The following SLC7A2 variants were observed in gnomAD, a reference collection of about 807,000 sequenced individuals.
The protein encoded by SLC7A2 is solute carrier family 7 member 2.
In SLC7A2, 48 loss-of-function variants were observed where a neutral mutation model predicts 58.9. That is an observed-to-expected ratio of 0.82 (90% CI 0.65 to 1.04). The LOEUF (loss-of-function observed/expected upper bound fraction) is 1.04, where lower values mean the gene tolerates loss of function less well. SLC7A2 is among the 50% of genes least tolerant of loss of function. The probability of loss-of-function intolerance (pLI) is 0.00; values close to 1 mark genes in which losing one functional copy is unlikely to be tolerated. For synonymous variants in SLC7A2, 363 were observed against 314.5 expected (o/e 1.15, Z -1.63); for missense variants, 1,029 against 818.8 (o/e 1.26, Z -3.13).
At position 17,519,014 on chromosome 8, in the gene SLC7A2, C is replaced by G. The variant is rs190510250; in HGVS notation, c.-23+16712C>G. Among the ~76,000 whole-genome samples, 16 of 152,186 alleles carry G rather than the reference C, an allele frequency of 1.1e-4. No individual in the cohort carries two copies. The East Asian group carries it at 2.9e-3, about 28-fold the overall frequency. Reference sequence around the variant, plus strand: ...TCCTCTTTTTATAAGGACACTAATTCCATCATGGGTGCCCCACCCACATGA... The same window carrying G: ...TCCTCTTTTTATAAGGACACTAATTGCATCATGGGTGCCCCACCCACATGA... On this transcript the variant is annotated intron_variant, in intron 2 of 12. Coordinates refer to ENST00000494857, the MANE Select transcript of SLC7A2 (RefSeq NM_001370338.1).
At chr8:17,548,579 G>T in intron 4 of SLC7A2, 99 bp from the exon 5 acceptor site, 1 of 815,582 alleles carries the variant, frequency 1.2e-6, no homozygotes. Flanking sequence ...TTAAAGACAT[G>T]AATGCTGGTG....
At chr8:17,523,557 C>T (rs1801101639) in intron 2 of SLC7A2, among the ~76,000 whole-genome samples, 1 of 152,122 alleles carries the variant, frequency 6.6e-6, no homozygotes, top group Admixed American at 6.5e-5. Context: ...ATTGGCTAGC[C>T]ACATGTAGAA....
At chr8:17,515,783 G>A (rs1800781774) in intron 2 of SLC7A2, among the ~76,000 whole-genome samples, 1 of 152,172 alleles carries the variant, frequency 6.6e-6, no homozygotes, top group South Asian at 2.1e-4. Flanking sequence ...TGAGTTGGCA[G>A]ATAACCTTGT....
At chr8:17,517,651 T>C (rs1222241510) in intron 2 of SLC7A2, among the ~76,000 whole-genome samples, 2 of 152,054 alleles carry the variant, frequency 1.3e-5, no homozygotes, top group Non-Finnish European at 2.9e-5. Flanking sequence ...TTTTCCCGTA[T>C]TGCTTACCTT....
chr8:17,562,586 G>A (rs1421781400), intron 11 of SLC7A2, among the ~76,000 whole-genome samples: 2 of 152,074 alleles, frequency 1.3e-5, no homozygotes, highest in African/African-American at 4.8e-5. Flanking sequence ...TGATCCACCT[G>A]CCTCAACAAC....
chr8:17,545,189 A>T (rs1419243916), intron 4 of SLC7A2, among the ~76,000 whole-genome samples: 1 of 152,078 alleles, frequency 6.6e-6, no homozygotes, highest in Non-Finnish European at 1.5e-5. Flanking sequence ...ACCACATTTC[A>T]ATCCTGCTGT....
chr8:17,552,458 T>C (rs918777732), intron 7 of SLC7A2, among the ~76,000 whole-genome samples: 1 of 152,250 alleles, frequency 6.6e-6, no homozygotes, highest in Non-Finnish European at 1.5e-5. Context: ...TTATGCTCTG[T>C]CTTTTAAAAA....
At position 17,544,587 on chromosome 8, in the gene SLC7A2, C is replaced by T. The variant is rs1802077176; in HGVS notation, c.513C>T (p.Cys171=). The change falls in exon 4 of 13, where the codon TGC becomes TGT. Residue 171 remains cysteine (C), a synonymous_variant. Coordinates refer to ENST00000494857, the MANE Select transcript of SLC7A2 (RefSeq NM_001370338.1). Reference sequence around the variant, plus strand: ...AATATCCCGATTTTTTTGCTGTGTGCCTTATATTACTTCTAGCAGGTAAGA... The same window carrying T: ...AATATCCCGATTTTTTTGCTGTGTGTCTTATATTACTTCTAGCAGGTAAGA... ...LAEYPDFFAV[C]LILLLAGLLS... The T allele has an allele frequency of 1.2e-6, 2 of 1,613,474 alleles. No individual in the cohort carries two copies. Among genetic ancestry groups the T allele is most frequent in the Non-Finnish European group, 1.7e-6 (2 of 1,179,786 alleles).
intron 4 of SLC7A2, among the ~76,000 whole-genome samples, chr8:17,544,955 G>A (rs1328438571): frequency 2.0e-5 from 3 of 152,170 alleles, no homozygotes; most frequent in Admixed American, 6.5e-5. Context: ...ATTTCATCTT[G>A]CTAGATACAA....
At chr8:17,504,367 C>T (rs1800283488) in intron 2 of SLC7A2, among the ~76,000 whole-genome samples, 1 of 152,114 alleles carries the variant, frequency 6.6e-6, no homozygotes, top group Admixed American at 6.5e-5. Context: ...AAACCCTTAC[C>T]TTTCAATTAG....
chr8:17,552,229 T>C (rs1802488987), intron 7 of SLC7A2, among the ~76,000 whole-genome samples: 1 of 151,968 alleles, frequency 6.6e-6, no homozygotes, highest in African/African-American at 2.4e-5. Flanking sequence ...GAAATACATA[T>C]GGCATTGATA....
chr8:17,494,593 C>T (rs1164620186), upstream of SLC7A2, among the ~76,000 whole-genome samples: 4 of 152,150 alleles, frequency 2.6e-5, no homozygotes, highest in South Asian at 6.2e-4. Context: ...AAGAGCTTAA[C>T]CTGTTTCAAA....
chr8:17,562,055 C>T lies in SLC7A2; in HGVS notation c.1616C>T (p.Ala539Val). 1 of 1,613,982 alleles carries T rather than the reference C, an allele frequency of 6.2e-7. No homozygotes were observed. Among genetic ancestry groups the T allele is most frequent in the Non-Finnish European group, 8.5e-7 (1 of 1,179,976 alleles). The change falls in exon 11 of 13, where the codon GCC becomes GTC. Residue 539 changes from alanine (A) to valine (V), a missense_variant. Transcript: ENST00000494857. ...LLALFLVLFV[A>V]IVLTIWRQPQ... ...GCGCTGTTTCTTGTTCTCTTCGTTG[C>T]CATCGTTCTCACCATCTGGAGGCAG...
At chr8:17,532,520 G>A (rs1801502587) in intron 2 of SLC7A2, among the ~76,000 whole-genome samples, 6 of 151,868 alleles carry the variant, frequency 4.0e-5, no homozygotes, top group Admixed American at 3.9e-4. Flanking sequence ...TTATTTTTTT[G>A]CTTTTTTTGA....
chr8:17,534,831 C>A (rs1801597288), intron 2 of SLC7A2, among the ~76,000 whole-genome samples: 1 of 151,754 alleles, frequency 6.6e-6, no homozygotes, highest in African/African-American at 2.4e-5. Flanking sequence ...AATGTTTTAA[C>A]TTTGGAGTGA....
chr8:17,543,155 T>G (rs995540389), intron 2 of SLC7A2, among the ~76,000 whole-genome samples, 163 bp from the exon 3 acceptor site: 1 of 151,772 alleles, frequency 6.6e-6, no homozygotes, highest in Admixed American at 6.6e-5. Flanking sequence ...TCCTTCTGAC[T>G]GCTCTGGGTC....
At chr8:17,535,084 T>C (rs1313481803) in intron 2 of SLC7A2, among the ~76,000 whole-genome samples, 2 of 152,204 alleles carry the variant, frequency 1.3e-5, no homozygotes, top group Non-Finnish European at 2.9e-5. Flanking sequence ...ATGATGTTTC[T>C]CAAATTCTAC....
At chr8:17,517,268 C>T (rs2720586) in intron 2 of SLC7A2, among the ~76,000 whole-genome samples, 96,929 of 152,000 alleles carry the variant, frequency 0.64, 33,154 homozygotes, top group Non-Finnish European at 0.77. Flanking sequence ...AGAGGTCATT[C>T]GAAATAAAAT....
At chr8:17,554,041 C>G (rs941283129) in intron 7 of SLC7A2, among the ~76,000 whole-genome samples, 1 of 152,082 alleles carries the variant, frequency 6.6e-6, no homozygotes, top group South Asian at 2.1e-4. Flanking sequence ...GGGATTATTA[C>G]TAACTTGATC....
Sources: gnomAD v4.1 joint callset for allele counts (sites outside exome capture counted in the v4.1 genomes callset) on GRCh38, gnomAD v4.1.1 for gene constraint, MANE v1.5 for transcripts, NCBI Gene and HGNC (gene_info 2026-07-23, HGNC 2026-07-21) for gene names.